The following ANKS1B variants were observed in gnomAD, a reference collection of about 807,000 sequenced individuals.
ANKS1B encodes ankyrin repeat and sterile alpha motif domain containing 1B.
In ANKS1B, 36 loss-of-function variants were observed where a neutral mutation model predicts 148.3. That is an observed-to-expected ratio of 0.24 (90% CI 0.19 to 0.32). The LOEUF (loss-of-function observed/expected upper bound fraction) is 0.32. Among genes scored for constraint, ANKS1B ranks in the 10% least tolerant of loss-of-function variants. The pLI is 1.00. For missense variants in ANKS1B, 1,157 were observed against 1,542.6 expected (o/e 0.75, Z 4.19); for synonymous variants, 542 against 560.8 (o/e 0.97, Z 0.47).
At chr12:99,332,689 C>A (rs202034593) in intron 12 of ANKS1B, among the ~76,000 whole-genome samples, 182 of 143,752 alleles carry the variant, frequency 1.3e-3, no homozygotes, top group Middle Eastern at 3.5e-3. Flanking sequence ...GCTGAGCTTT[C>A]AAAAAAAAAA....
intron 14 of ANKS1B, among the ~76,000 whole-genome samples, chr12:99,173,521 C>G (rs1303987470): frequency 6.6e-6 from 1 of 152,016 alleles, no homozygotes; most frequent in African/African-American, 2.4e-5. Context: ...CATATAGAAG[C>G]ATTGGCTGAA....
Position 99,075,884 on chromosome 12 carries a change from TATC to T in ANKS1B, c.2625+9038_2625+9040del, listed in dbSNP as rs1195622362. On this transcript the variant is annotated intron_variant, in intron 16 of 26. Coordinates refer to ENST00000683438, the MANE Select transcript of ANKS1B (RefSeq NM_001352186.2). ...CTATACATTTGTATTATAAAATATA[TATC>T]ATATTGTATATAATAGGTTATAATA... Among the ~76,000 whole-genome samples the T allele has an allele frequency of 2.0e-5, 3 of 148,566 alleles. No individual in the cohort carries two copies. In the East Asian group the frequency reaches 5.8e-4, roughly 29 times the overall value.
At chr12:99,099,306 A>G (rs2057284267) in intron 15 of ANKS1B, among the ~76,000 whole-genome samples, 2 of 152,252 alleles carry the variant, frequency 1.3e-5, no homozygotes, top group Non-Finnish European at 2.9e-5. Flanking sequence ...AAGAGATTTA[A>G]AAATCCTTTG....
chr12:99,202,978 C>T (rs1328933732), intron 14 of ANKS1B, among the ~76,000 whole-genome samples: 1 of 152,222 alleles, frequency 6.6e-6, no homozygotes, highest in Non-Finnish European at 1.5e-5. Flanking sequence ...AGTTCCAAGA[C>T]TTGTTAAAGC....
exon 10 of ANKS1B, chr12:98,735,533 T>TATC (rs768677050): frequency 6.4e-5 from 47 of 739,648 alleles, no homozygotes; most frequent in Non-Finnish European, 5.4e-5. Flanking sequence ...ATTTAGGCTT[T>TATC]ATCAGCTATA....
intron 12 of ANKS1B, chr12:99,343,684 C>G (rs1036357296): frequency 1.3e-5 from 2 of 152,074 alleles, no homozygotes; most frequent in African/African-American, 4.8e-5. Context: ...ATTCTCTCCT[C>G]ATCTGCAATT....
At chr12:99,706,145 T>G (rs1048769075) in intron 8 of ANKS1B, among the ~76,000 whole-genome samples, 2 of 152,036 alleles carry the variant, frequency 1.3e-5, no homozygotes, top group African/African-American at 4.8e-5. Context: ...GGTACTGTTA[T>G]AGTAAGCGGT....
intron 17 of ANKS1B, among the ~76,000 whole-genome samples, chr12:98,915,480 T>A (rs1166845826): frequency 6.6e-6 from 1 of 152,100 alleles, no homozygotes; most frequent in African/African-American, 2.4e-5. Flanking sequence ...GTGCCCTGAG[T>A]AGCTGGGACT....
At chr12:99,123,280 CA>C (rs2063428253) in intron 15 of ANKS1B, among the ~76,000 whole-genome samples, 1 of 151,926 alleles carries the variant, frequency 6.6e-6, no homozygotes, top group Non-Finnish European at 1.5e-5. Flanking sequence ...GACATTAGAG[CA>C]GAGATTTCGA....
intron 12 of ANKS1B, among the ~76,000 whole-genome samples, chr12:99,271,435 C>T (rs538082379): frequency 2.0e-5 from 3 of 151,856 alleles, no homozygotes; most frequent in Non-Finnish European, 4.4e-5. Context: ...ACTATTTGTG[C>T]ATATCTATCC....
chr12:99,593,954 GT>G (rs1056616983), intron 9 of ANKS1B, among the ~76,000 whole-genome samples: 1 of 151,036 alleles, frequency 6.6e-6, no homozygotes, highest in African/African-American at 2.4e-5. Context: ...TGCAGTGGGT[GT>G]TTTTTTTTAA....
At chr12:98,752,230 C>T (rs2098112585) in intron 25 of ANKS1B, among the ~76,000 whole-genome samples, 1 of 151,618 alleles carries the variant, frequency 6.6e-6, no homozygotes, top group South Asian at 2.1e-4. Context: ...GGTCTCAGGA[C>T]CTCCCAAGGC....
intron 17 of ANKS1B, among the ~76,000 whole-genome samples, chr12:98,929,892 C>T (rs1169745977): frequency 6.6e-6 from 1 of 151,936 alleles, no homozygotes; most frequent in Non-Finnish European, 1.5e-5. Context: ...GACTTCTTAG[C>T]AATGACACTG....
chr12:98,880,067 T>C (rs954536937), intron 17 of ANKS1B, among the ~76,000 whole-genome samples: 10 of 152,224 alleles, frequency 6.6e-5, no homozygotes, highest in African/African-American at 2.4e-4. Context: ...CTATCTCCAA[T>C]GCTTTGAAGA....
rs571647174 is a variant in ANKS1B, at chr12:99,306,665, C to T, written c.1757-59801G>A. On this transcript the variant is annotated intron_variant, in intron 12 of 26. Transcript: ENST00000683438. ...GTGCTAAGCAGGTCCAAAGAGGCTA[C>T]CACTTCTGGTGATCTGGTCACTGTC... Among the ~76,000 whole-genome samples, 3 of 152,220 alleles carry T rather than the reference C, an allele frequency of 2.0e-5. No homozygotes were observed. In the South Asian group the frequency reaches 6.2e-4, roughly 32 times the overall value.
At chr12:99,741,367 C>T (rs2060096393) in intron 8 of ANKS1B, among the ~76,000 whole-genome samples, 1 of 152,040 alleles carries the variant, frequency 6.6e-6, no homozygotes, top group Admixed American at 6.6e-5. Context: ...ACTAGAAATA[C>T]CATTTGACCC....
chr12:99,466,115 G>T (rs1435243821), intron 10 of ANKS1B, among the ~76,000 whole-genome samples: 3 of 152,098 alleles, frequency 2.0e-5, no homozygotes, highest in African/African-American at 7.2e-5. Flanking sequence ...AATCAAACTA[G>T]AACTCAGGAT....
chr12:99,495,424 T>G (rs2096594969), intron 10 of ANKS1B, among the ~76,000 whole-genome samples: 1 of 151,464 alleles, frequency 6.6e-6, no homozygotes, highest in Non-Finnish European at 1.5e-5. Context: ...TTCCACTAAG[T>G]TGAACAAATT....
chr12:99,886,106 AACTT>A (rs752248040), intron 1 of ANKS1B, among the ~76,000 whole-genome samples: 17 of 152,170 alleles, frequency 1.1e-4, no homozygotes, highest in Admixed American at 7.2e-4. Flanking sequence ...AGGTTGTACT[AACTT>A]ACATTCCCAC....
Sources: allele counts gnomAD v4.1 joint callset (sites outside exome capture counted in the v4.1 genomes callset), GRCh38; gene constraint gnomAD v4.1.1; transcripts MANE v1.5; gene names NCBI Gene and HGNC (gene_info 2026-07-23, HGNC 2026-07-21).